Variants in SLC14A2 observed in about 807,000 individuals in gnomAD.
The protein encoded by SLC14A2 is urea transporter 2.
A neutral mutation model predicts 104.6 loss-of-function variants in SLC14A2; 91 were observed. The observed-to-expected ratio is 0.87, with a 90% CI of 0.73 to 1.04. The LOEUF is 1.04. SLC14A2 is among the 50% of genes least tolerant of loss of function. The pLI is 0.00. For synonymous variants in SLC14A2, 476 were observed against 466.4 expected, an observed-to-expected ratio of 1.02 and a Z score of -0.27; for missense variants, 1,189 against 1,156.0, an observed-to-expected ratio of 1.03 and a Z score of -0.41.
intron 1 of SLC14A2, among the ~76,000 whole-genome samples, chr18:45,396,554 G>A (rs926754120): frequency 6.7e-6 from 1 of 149,198 alleles, no homozygotes; most frequent in African/African-American, 2.5e-5. Flanking sequence ...CCATTTATTT[G>A]TTTCTTTATT....
chr18:45,667,013 A>G lies in SLC14A2; in HGVS notation c.1636A>G (p.Met546Val), dbSNP rs2144631746. 1.2e-6 allele frequency: 2 copies of G among 1,613,950 alleles called. No homozygotes were observed. Among genetic ancestry groups the G allele is most frequent in the Non-Finnish European group, 1.7e-6 (2 of 1,179,798 alleles). Residue 546 changes from methionine to valine, a missense_variant, in exon 13 of 20, where the codon ATG (methionine) becomes GTG (valine). Physicochemically the swap from Met to Val is conservative, Grantham distance 21 (BLOSUM62 1). Coordinates refer to ENST00000255226, the MANE Select transcript of SLC14A2 (RefSeq NM_007163.4). ...ISKTSWIRSS[M>V]AASGKRVSKA... is the part of the protein sequence containing the mutation. ...CAAGACATCCTGGATTCGGAGTTCCATGGCTGCCAGTGGGAAAAGGGTCAG... is the reference window on the plus strand; with the variant it reads ...CAAGACATCCTGGATTCGGAGTTCCGTGGCTGCCAGTGGGAAAAGGGTCAG...
chr18:45,627,259 G>A, intron 4 of SLC14A2, 112 bp downstream of exon 4: 1 of 904,894 alleles, frequency 1.1e-6, no homozygotes. Flanking sequence ...AGTCTCCTGA[G>A]TATCAACTTT....
intron 1 of SLC14A2, among the ~76,000 whole-genome samples, chr18:45,241,891 C>T (rs1182835537): frequency 6.6e-6 from 1 of 152,056 alleles, no homozygotes; most frequent in Admixed American, 6.6e-5. Flanking sequence ...GATTCACCTG[C>T]CTCGGCCTCC....
intron 2 of SLC14A2, 115 bp from the exon 3 acceptor site, chr18:45,625,568 C>A: frequency 2.5e-6 from 2 of 793,350 alleles, no homozygotes; most frequent in Non-Finnish European, 3.8e-6. Context: ...GTGTTCCACC[C>A]TTTGTCTCAT....
intron 2 of SLC14A2, among the ~76,000 whole-genome samples, chr18:45,520,789 GA>G (rs1355615190): frequency 6.6e-6 from 1 of 152,198 alleles, no homozygotes; most frequent in Non-Finnish European, 1.5e-5. Flanking sequence ...CTCTAGACCA[GA>G]GAGAACAATC....
At chr18:45,479,225 A>G (rs562807308) in intron 1 of SLC14A2, among the ~76,000 whole-genome samples, 2 of 152,346 alleles carry the variant, frequency 1.3e-5, no homozygotes, top group South Asian at 4.1e-4. Flanking sequence ...CTTTTTAAAA[A>G]GCTGTATATC....
In SLC14A2 at chr18:45,669,473, C is replaced by T. The variant is rs1402341778; in HGVS notation, c.2204C>T (p.Thr735Ile). 2 of 1,613,770 alleles carry T rather than the reference C, an allele frequency of 1.2e-6. No homozygotes were observed. The highest frequency in any genetic ancestry group is 1.7e-6 in the Non-Finnish European group (2 of 1,179,816). Residue 735 changes from threonine (T) to isoleucine (I), a missense_variant, in exon 16 of 20, where the codon ACC becomes ATC. Physicochemically the swap from Thr to Ile is moderately conservative, Grantham distance 89 (BLOSUM62 -1). Transcript: ENST00000255226. ...CCTGCATCCGCCATGCCCAACATCA[C>T]CTGGTCAGAGGTCCAAGTGCCCTTG... ...LQPASAMPNITWSEVQVPLLL... is the reference protein window; with the variant it reads ...LQPASAMPNIIWSEVQVPLLL...
At chr18:45,541,575 T>C (rs2043884092) in intron 2 of SLC14A2, among the ~76,000 whole-genome samples, 2 of 152,204 alleles carry the variant, frequency 1.3e-5, no homozygotes, top group Admixed American at 1.3e-4. Flanking sequence ...TTAACTTGGG[T>C]TGAGCCTTAA....
chr18:45,617,791 G>A (rs535214768), intron 1 of SLC14A2, among the ~76,000 whole-genome samples: 101 of 152,288 alleles, frequency 6.6e-4, no homozygotes, highest in Non-Finnish European at 9.7e-4. Flanking sequence ...TCAGGGATGA[G>A]TGAAGCCAGT....
intron 10 of SLC14A2, among the ~76,000 whole-genome samples, chr18:45,662,026 T>C (rs1438334752): frequency 6.6e-6 from 1 of 152,172 alleles, no homozygotes; most frequent in Non-Finnish European, 1.5e-5. Context: ...TAGACAAGGC[T>C]GGGCGCTGTA....
At chr18:45,298,953 G>A (rs2084942034) in intron 1 of SLC14A2, among the ~76,000 whole-genome samples, 1 of 151,966 alleles carries the variant, frequency 6.6e-6, no homozygotes, top group Non-Finnish European at 1.5e-5. Flanking sequence ...TGACCCATTG[G>A]TTGAAAAGCC....
chr18:45,467,753 G>C (rs1281942246), intron 1 of SLC14A2, among the ~76,000 whole-genome samples: 1 of 152,092 alleles, frequency 6.6e-6, no homozygotes, highest in Non-Finnish European at 1.5e-5. Flanking sequence ...CTCAGTCCAG[G>C]ACATCGGTAA....
chr18:45,624,933 C>A (rs1330945836), intron 2 of SLC14A2, 119 bp downstream of exon 2: 2 of 1,023,984 alleles, frequency 2.0e-6, no homozygotes, highest in Non-Finnish European at 2.9e-6. Context: ...GTGCCACTGT[C>A]AGTACATGGT....
chr18:45,588,746 T>C (rs769261200), intron 2 of SLC14A2, among the ~76,000 whole-genome samples: 12 of 152,204 alleles, frequency 7.9e-5, no homozygotes, highest in Non-Finnish European at 1.3e-4. Flanking sequence ...AATTCTACGA[T>C]AAAAGCATTA....
intron 2 of SLC14A2, among the ~76,000 whole-genome samples, chr18:45,541,760 G>A (rs778352829): frequency 5.9e-5 from 9 of 152,170 alleles, no homozygotes; most frequent in Non-Finnish European, 1.3e-4. Context: ...AGATACAGAG[G>A]CAGGTCAGAG....
chr18:45,605,891 T>A (rs1444456623), intron 2 of SLC14A2, among the ~76,000 whole-genome samples: 1 of 152,162 alleles, frequency 6.6e-6, no homozygotes, highest in Non-Finnish European at 1.5e-5. Context: ...GGAAATGCAC[T>A]GCCTTTTCCA....
At chr18:45,189,289 T>C in the SLC14A2 span, among the ~76,000 whole-genome samples, 2 of 152,164 alleles carry the variant, frequency 1.3e-5, no homozygotes, top group African/African-American at 4.8e-5. Flanking sequence ...CAAAATTTTC[T>C]TGGGGTCATG....
At chr18:45,573,489 A>AAACTC (rs1337308757) in intron 2 of SLC14A2, among the ~76,000 whole-genome samples, 6 of 152,256 alleles carry the variant, frequency 3.9e-5, no homozygotes, top group Non-Finnish European at 8.8e-5. Flanking sequence ...TTACAAATAA[A>AAACTC]AACTCAAAGT....
At chr18:45,386,102 G>A (rs1443080791) in intron 1 of SLC14A2, among the ~76,000 whole-genome samples, 1 of 152,164 alleles carries the variant, frequency 6.6e-6, no homozygotes, top group Non-Finnish European at 1.5e-5. Context: ...ATTCAAATCA[G>A]CAGAGAGAAG....
Sources: gnomAD v4.1 joint callset for allele counts (sites outside exome capture counted in the v4.1 genomes callset) on GRCh38, gnomAD v4.1.1 for gene constraint, MANE v1.5 for transcripts, NCBI Gene and HGNC (gene_info 2026-07-23, HGNC 2026-07-21) for gene names.